TRPC4AP: variants seen among roughly 807,000 people sequenced by gnomAD.
TRPC4AP encodes the protein short transient receptor potential channel 4-associated protein.
A neutral mutation model predicts 99.0 loss-of-function variants in TRPC4AP; 45 were observed. That is an observed-to-expected ratio of 0.45 (90% CI 0.36 to 0.58). The LOEUF (loss-of-function observed/expected upper bound fraction) is 0.58. TRPC4AP is among the 20% of genes least tolerant of loss of function. The pLI, the probability that TRPC4AP is intolerant of heterozygous loss-of-function variation, is 0.00. For missense variants in TRPC4AP, 879 were observed against 985.3 expected (o/e 0.89, Z 1.44); for synonymous variants, 408 against 385.8 (o/e 1.06, Z -0.67).
intron 12 of TRPC4AP, 52 bp downstream of exon 12, chr20:35,010,135 G>A (rs1422804831): frequency 4.6e-6 from 7 of 1,517,676 alleles, no homozygotes; most frequent in Non-Finnish European, 6.4e-6. Flanking sequence ...AGCCCCCGGG[G>A]AACGTGGGCA....
intron 3 of TRPC4AP, among the ~76,000 whole-genome samples, chr20:35,062,515 T>C (rs1245590895): frequency 1.3e-5 from 2 of 152,216 alleles, no homozygotes; most frequent in Non-Finnish European, 2.9e-5. Flanking sequence ...GAATGGAGTA[T>C]TGATACACGT....
In TRPC4AP at chr20:35,048,210, C is replaced by CTTTTTTTTTTTTTTTTT. The variant is rs1487171166; in HGVS notation, c.657+1655_657+1656insAAAAAAAAAAAAAAAAA. On this transcript the variant is annotated intron_variant, in intron 6 of 18. Transcript: ENST00000252015. ...TTTTTCATGCTGATTTGTAAGAATT[C>CTTTTTTTTTTTTTTTTT]TGTTTTTTTTTTTTTTTTTGAGAGG... Among the ~76,000 whole-genome samples the CTTTTTTTTTTTTTTTTT allele has an allele frequency of 2.2e-5, 2 of 91,442 alleles. 1 individual carries two copies. The highest frequency in any genetic ancestry group is 7.8e-5 in the African/African-American group (2 of 25,510). The allele number at this position is 91,442 out of a possible 152,430, so 60.0% of individuals were successfully genotyped here.
At chr20:35,069,743 C>T (rs2084255133) in intron 2 of TRPC4AP, among the ~76,000 whole-genome samples, 1 of 152,164 alleles carries the variant, frequency 6.6e-6, no homozygotes, top group African/African-American at 2.4e-5. Context: ...GAGTTTGAGA[C>T]CAGCCTGGCC....
At chr20:35,042,227 A>C (rs1224855092) in intron 7 of TRPC4AP, among the ~76,000 whole-genome samples, 3 of 152,232 alleles carry the variant, frequency 2.0e-5, no homozygotes, top group Non-Finnish European at 4.4e-5. Context: ...GAGGAAAAGC[A>C]AATCTAGAGA....
intron 8 of TRPC4AP, among the ~76,000 whole-genome samples, chr20:35,024,854 A>AAACAAAACAT (rs1479270980): frequency 2.2e-5 from 2 of 89,480 alleles, no homozygotes; most frequent in Non-Finnish European, 4.6e-5. Flanking sequence ...AAAAAAAAAA[A>AAACAAAACAT]ATTCTGTTTA....
intron 14 of TRPC4AP, 86 bp from the exon 15 acceptor site, chr20:35,006,661 G>T: frequency 6.5e-7 from 1 of 1,526,802 alleles, no homozygotes; most frequent in South Asian, 1.2e-5. Flanking sequence ...CATTGGCTTT[G>T]AGCAAGCATC....
intron 7 of TRPC4AP, among the ~76,000 whole-genome samples, chr20:35,037,918 T>C (rs1979452457): frequency 6.6e-6 from 1 of 151,986 alleles, no homozygotes; most frequent in South Asian, 2.1e-4. Context: ...GCAAGTACAC[T>C]CTATGACATT....
intron 3 of TRPC4AP, among the ~76,000 whole-genome samples, chr20:35,065,572 G>C (rs1166272653): frequency 1.3e-5 from 2 of 152,156 alleles, no homozygotes; most frequent in Non-Finnish European, 2.9e-5. Context: ...AATACTACCA[G>C]CAGCAGGACA....
In TRPC4AP at chr20:35,023,118, C is replaced by T. The variant is rs536431869; in HGVS notation, c.1052-1762G>A. ...ATGTTAAAATCACAACCTTGGAAGA[C>T]GACAAGCTGCTGAATGAAGTGTGAC... On this transcript the variant is annotated intron_variant, in intron 8 of 18. Coordinates refer to ENST00000252015, the MANE Select transcript of TRPC4AP (RefSeq NM_015638.3). Among the ~76,000 whole-genome samples, 20 of 152,124 alleles carry T rather than the reference C, an allele frequency of 1.3e-4. No homozygotes were observed. The South Asian group carries it at 2.7e-3, about 21-fold the overall frequency.
At chr20:35,048,531 T>A (rs180795812) in intron 6 of TRPC4AP, among the ~76,000 whole-genome samples, 157 of 152,332 alleles carry the variant, frequency 1.0e-3, no homozygotes, top group Non-Finnish European at 9.1e-4. Flanking sequence ...TAAGAATTAT[T>A]GATAAATTCT....
chr20:35,083,869 A>C (rs1259654427), intron 1 of TRPC4AP, among the ~76,000 whole-genome samples: 1 of 151,944 alleles, frequency 6.6e-6, no homozygotes, highest in African/African-American at 2.4e-5. Flanking sequence ...AGTCCCAAGA[A>C]CTCAGCTGTA....
At chr20:35,071,529 G>A (rs2084314405) in intron 2 of TRPC4AP, among the ~76,000 whole-genome samples, 1 of 150,220 alleles carries the variant, frequency 6.7e-6, no homozygotes, top group Non-Finnish European at 1.5e-5. Flanking sequence ...AGAACACACG[G>A]TGTTTGGTTT....
intron 7 of TRPC4AP, among the ~76,000 whole-genome samples, chr20:35,037,712 T>C (rs1414381490): frequency 2.0e-5 from 3 of 152,222 alleles, no homozygotes; most frequent in Non-Finnish European, 4.4e-5. Flanking sequence ...ATTAACGCTG[T>C]TGCGGTCAAC....
At chr20:35,030,150 G>A (rs573887415) in intron 8 of TRPC4AP, among the ~76,000 whole-genome samples, 379 of 149,850 alleles carry the variant, frequency 2.5e-3, no homozygotes, top group Non-Finnish European at 4.5e-3. Flanking sequence ...CTGAGGTAGG[G>A]GAATCACTTG....
chr20:35,007,441 A>G (rs1278856724), intron 14 of TRPC4AP, 109 bp downstream of exon 14: 13 of 1,165,766 alleles, frequency 1.1e-5, no homozygotes, highest in Non-Finnish European at 1.5e-5. Context: ...TTTGGAAGTC[A>G]CGAGATCTGC....
chr20:35,092,783 T>A lies in TRPC4AP; in HGVS notation c.-2A>T. The A allele has an allele frequency of 6.5e-7, 1 of 1,529,460 alleles. No homozygotes were observed. Among genetic ancestry groups the A allele is most frequent in the South Asian group, 1.2e-5 (1 of 83,776 alleles). The allele number at this position is 1,529,460 out of a possible 1,614,324, so 94.7% of individuals were successfully genotyped here. On this transcript the variant is annotated 5_prime_UTR_variant, in exon 1 of 19. Transcript: ENST00000252015. ...AGCCGCTACCGGCGCCGCCGCCATG[T>A]CTCCTCGTCGGACAAACAGGAAGCA...
intron 6 of TRPC4AP, 112 bp from the exon 7 acceptor site, chr20:35,044,824 T>C: frequency 1.0e-6 from 1 of 984,834 alleles, no homozygotes; most frequent in Non-Finnish European, 1.5e-6. Context: ...ATCACTTAGG[T>C]TCCTATCCCA....
chr20:35,045,041 G>C (rs2083527783), intron 6 of TRPC4AP, among the ~76,000 whole-genome samples: 1 of 151,900 alleles, frequency 6.6e-6, no homozygotes, highest in Admixed American at 6.6e-5. Context: ...TCAAGTTTTG[G>C]AAATCATAAA....
chr20:35,007,606 G>A lies in TRPC4AP; in HGVS notation c.1630C>T (p.Arg544Ter), dbSNP rs753508409. The change falls in exon 14 of 19, where the codon CGA becomes TGA. Residue 544 changes from arginine (R) to a stop codon, truncating the protein, a stop_gained. Transcript: ENST00000252015. LOFTEE classifies it high-confidence loss of function. ...WQARAVESFL[R>*]GTTSYADQMF... The stretch of plus-strand genomic sequence containing the variant: ...TGGTCTGCATAGGAGGTGGTCCCTC[G>A]GAGGAAACTCTCCACAGCCCGAGCT... 2.5e-6 allele frequency: 4 copies of A among 1,614,230 alleles called. No individual in the cohort carries two copies. The highest frequency in any genetic ancestry group is 1.7e-5 in the Admixed American group (1 of 60,028).
Sources: allele counts gnomAD v4.1 joint callset (sites outside exome capture counted in the v4.1 genomes callset), GRCh38; gene constraint gnomAD v4.1.1; transcripts MANE v1.5; gene names NCBI Gene and HGNC (gene_info 2026-07-23, HGNC 2026-07-21).